Variants in ARHGEF28 observed in about 807,000 individuals in gnomAD.
The protein encoded by ARHGEF28 is Rho guanine nucleotide exchange factor 28, also known as 190 kDa guanine nucleotide exchange factor.
ARHGEF28 carries 152 observed loss-of-function variants against 206.6 expected under a neutral mutation model. The ratio of observed to expected loss-of-function variants is 0.74; its 90% CI spans 0.64 to 0.84. ARHGEF28 has a LOEUF of 0.84. Ranked by LOEUF, ARHGEF28 falls within the 40% of genes least tolerant of loss-of-function variation. ARHGEF28 has a pLI of 0.00. For missense variants in ARHGEF28, 2,028 were observed against 2,073.2 expected, an observed-to-expected ratio of 0.98 and a Z score of 0.42; for synonymous variants, 763 against 776.4, an observed-to-expected ratio of 0.98 and a Z score of 0.29.
chr5:73,719,244 T>C (rs1749769377), intron 2 of ARHGEF28, among the ~76,000 whole-genome samples: 1 of 152,028 alleles, frequency 6.6e-6, no homozygotes, highest in South Asian at 2.1e-4. Flanking sequence ...ACCCCATCTC[T>C]GCTAAAAAGA....
intron 1 of ARHGEF28, among the ~76,000 whole-genome samples, chr5:73,633,244 G>A (rs987422149): frequency 5.9e-5 from 9 of 152,176 alleles, no homozygotes; most frequent in African/African-American, 2.2e-4. Context: ...CCTGCTGTGT[G>A]ACCTGGTTCC....
At chr5:73,751,039 G>A (rs550999479) in intron 3 of ARHGEF28, among the ~76,000 whole-genome samples, 1 of 152,292 alleles carries the variant, frequency 6.6e-6, no homozygotes, top group East Asian at 1.9e-4. Flanking sequence ...TCCAATTTCT[G>A]AGACCATCGG....
chr5:73,772,932 A>G (rs893486585), intron 4 of ARHGEF28, among the ~76,000 whole-genome samples: 1 of 152,242 alleles, frequency 6.6e-6, no homozygotes, highest in Admixed American at 6.5e-5. Flanking sequence ...ATAGTAAGAT[A>G]GCGTTAATAT....
Position 73,911,503 on chromosome 5 carries a change from CTG to C in ARHGEF28, c.4879_4880del (p.Trp1627AspfsTer14), listed in dbSNP as rs781405121. The C allele has an allele frequency of 3.1e-6, 5 of 1,613,834 alleles. No individual in the cohort carries two copies. The South Asian group carries it at 5.5e-5, about 18-fold the overall frequency. ...TCAGCCTTCGAATGTCAGTCACAAA[CTG>C]TGGACAGCCGCTGGTTCCGGCCATC... ...PSQPSNVSHK[L>X]WTAAGSGHQI... On this transcript the variant is annotated frameshift_variant, in exon 35 of 36. Transcript: ENST00000513042. LOFTEE classifies it high-confidence loss of function.
chr5:73,721,742 A>G (rs559853580), intron 2 of ARHGEF28, among the ~76,000 whole-genome samples: 1 of 152,064 alleles, frequency 6.6e-6, no homozygotes, highest in Non-Finnish European at 1.5e-5. Flanking sequence ...CCAGCCCTAA[A>G]CTAGCTGTTT....
At chr5:73,928,181 G>A (rs2973533) in intron 35 of ARHGEF28, among the ~76,000 whole-genome samples, 70,986 of 152,046 alleles carry the variant, frequency 0.47, 17,145 homozygotes, top group Non-Finnish European at 0.54. Context: ...CACTTCGGGA[G>A]GCCGAGGCCA....
At chr5:73,711,213 T>C (rs370687982) in intron 2 of ARHGEF28, among the ~76,000 whole-genome samples, 1 of 152,210 alleles carries the variant, frequency 6.6e-6, no homozygotes, top group Non-Finnish European at 1.5e-5. Flanking sequence ...ATTTCACTGG[T>C]ATTATACTGT....
At chr5:73,910,027 T>A in intron 34 of ARHGEF28, 130 bp downstream of exon 34, 1 of 1,322,446 alleles carries the variant, frequency 7.6e-7, no homozygotes, top group Non-Finnish European at 9.7e-7. Context: ...ATTTTTCAAT[T>A]TGTAGGTAGC....
intron 1 of ARHGEF28, among the ~76,000 whole-genome samples, chr5:73,659,656 T>G (rs941976166): frequency 6.6e-6 from 1 of 152,184 alleles, no homozygotes; most frequent in African/African-American, 2.4e-5. Flanking sequence ...AGTAATGACC[T>G]TATACAGGCA....
intron 9 of ARHGEF28, among the ~76,000 whole-genome samples, chr5:73,797,524 C>A (rs1754890883): frequency 6.6e-6 from 1 of 152,172 alleles, no homozygotes; most frequent in African/African-American, 2.4e-5. Flanking sequence ...CCTCAGCCTG[C>A]CGAGTAGCTG....
chr5:73,786,716 ATACT>A (rs1000201893), intron 7 of ARHGEF28, among the ~76,000 whole-genome samples: 7 of 152,190 alleles, frequency 4.6e-5, no homozygotes, highest in African/African-American at 1.7e-4. Context: ...GTGTCATTTA[ATACT>A]TACTTCAGTG....
intron 2 of ARHGEF28, among the ~76,000 whole-genome samples, chr5:73,686,510 TTTTTC>T (rs2112253164): frequency 6.6e-6 from 1 of 151,942 alleles, no homozygotes; most frequent in Admixed American, 6.5e-5. Context: ...TTCTTTTTTC[TTTTTC>T]TTTTCTTTTT....
At chr5:73,881,352 G>T (rs1453112118) in intron 22 of ARHGEF28, among the ~76,000 whole-genome samples, 1 of 151,804 alleles carries the variant, frequency 6.6e-6, no homozygotes, top group Non-Finnish European at 1.5e-5. Flanking sequence ...ATTTTGTTAA[G>T]AATTGTACTA....
intron 9 of ARHGEF28, among the ~76,000 whole-genome samples, chr5:73,818,026 T>C (rs980229295): frequency 4.6e-5 from 7 of 152,032 alleles, no homozygotes; most frequent in Admixed American, 1.3e-4. Context: ...TGGATTGGGA[T>C]TGGGAACAGA....
intron 23 of ARHGEF28, among the ~76,000 whole-genome samples, chr5:73,883,500 G>A (rs1761081385): frequency 6.6e-6 from 1 of 152,172 alleles, no homozygotes; most frequent in South Asian, 2.1e-4. Context: ...ATAAATCGAG[G>A]CACTTAGAAG....
At chr5:73,740,730 C>T (rs934596518) in intron 2 of ARHGEF28, among the ~76,000 whole-genome samples, 13 of 152,150 alleles carry the variant, frequency 8.5e-5, no homozygotes, top group Admixed American at 1.3e-4. Context: ...TTCCTCTGAA[C>T]GTGTTGTCAG....
intron 11 of ARHGEF28, 95 bp from the exon 12 acceptor site, chr5:73,846,172 GC>G: frequency 9.5e-7 from 1 of 1,053,568 alleles, no homozygotes; most frequent in Non-Finnish European, 1.4e-6. Context: ...CACCCCCCCC[GC>G]CCCAGTGAAA....
intron 33 of ARHGEF28, 34 bp from the exon 34 acceptor site, chr5:73,909,378 T>C (rs1005908006): frequency 6.4e-7 from 1 of 1,560,650 alleles, no homozygotes; most frequent in African/African-American, 1.4e-5. Context: ...TGGAACCTTG[T>C]GTTCAGTGAT....
At chr5:73,848,949 T>G in intron 12 of ARHGEF28, 27 bp from the exon 13 acceptor site, 1 of 1,469,852 alleles carries the variant, frequency 6.8e-7, no homozygotes. Context: ...TATAAATTTT[T>G]AAACACTTTA....
Sources: allele counts gnomAD v4.1 joint callset (sites outside exome capture counted in the v4.1 genomes callset), GRCh38; gene constraint gnomAD v4.1.1; transcripts MANE v1.5; gene names NCBI Gene and HGNC (gene_info 2026-07-23, HGNC 2026-07-21).